The following STIM2 variants were observed in gnomAD, a reference collection of about 807,000 sequenced individuals.
STIM2 encodes stromal interaction molecule 2.
STIM2 carries 31 observed loss-of-function variants against 85.8 expected under a neutral mutation model. That is an observed-to-expected ratio of 0.36 (90% confidence interval 0.27 to 0.49). The LOEUF (loss-of-function observed/expected upper bound fraction) is 0.49, where lower values mean the gene tolerates loss of function less well. STIM2 is among the 20% of genes least tolerant of loss of function. The pLI, the probability that STIM2 is intolerant of heterozygous loss-of-function variation, is 0.98. For synonymous variants in STIM2, 356 were observed against 331.1 expected (o/e 1.08, Z -0.82); for missense variants, 841 against 927.6 (o/e 0.91, Z 1.21).
intron 3 of STIM2, among the ~76,000 whole-genome samples, chr4:26,973,209 T>G (rs927286018): frequency 6.6e-6 from 1 of 152,310 alleles, no homozygotes. Flanking sequence ...ATTGATTGAT[T>G]TTTTGAAGGG....
chr4:27,009,517 T>G (rs1432375094), intron 10 of STIM2, among the ~76,000 whole-genome samples: 1 of 152,224 alleles, frequency 6.6e-6, no homozygotes, highest in African/African-American at 2.4e-5. Context: ...AAACAGGGAT[T>G]TGAATCCTAG....
At chr4:26,957,041 C>T (rs976881145) in intron 2 of STIM2, among the ~76,000 whole-genome samples, 1 of 152,050 alleles carries the variant, frequency 6.6e-6, no homozygotes, top group African/African-American at 2.4e-5. Flanking sequence ...ACTCCCTCTT[C>T]CCCTGCGGAT....
intron 10 of STIM2, among the ~76,000 whole-genome samples, chr4:27,010,131 G>A (rs1728511128): frequency 6.6e-6 from 1 of 152,118 alleles, no homozygotes; most frequent in Non-Finnish European, 1.5e-5. Context: ...AAGTACAAGA[G>A]TTGATTTTAA....
chr4:26,914,149 A>G (rs960885119), intron 1 of STIM2, among the ~76,000 whole-genome samples: 2 of 152,194 alleles, frequency 1.3e-5, no homozygotes, highest in Admixed American at 1.3e-4. Flanking sequence ...TCACTTTAGG[A>G]TAATCTGTAG....
intron 2 of STIM2, among the ~76,000 whole-genome samples, chr4:26,937,971 C>G (rs937160724): frequency 1.3e-5 from 2 of 151,748 alleles, no homozygotes; most frequent in African/African-American, 4.8e-5. Context: ...TTCTTTTTTG[C>G]AGATAAGTGA....
chr4:26,992,937 C>T (rs564034290), intron 3 of STIM2, among the ~76,000 whole-genome samples: 2 of 152,202 alleles, frequency 1.3e-5, no homozygotes, highest in Admixed American at 1.3e-4. Flanking sequence ...CAGAGTATTA[C>T]TAAGATTTGG....
chr4:26,898,376 G>T (rs1723786564), intron 1 of STIM2, among the ~76,000 whole-genome samples: 1 of 152,050 alleles, frequency 6.6e-6, no homozygotes. Context: ...ATCATGTTTG[G>T]TTTTCCCACT....
chr4:26,977,115 G>C (rs1727231089), intron 3 of STIM2, among the ~76,000 whole-genome samples: 1 of 152,184 alleles, frequency 6.6e-6, no homozygotes, highest in Non-Finnish European at 1.5e-5. Flanking sequence ...TTATAGATCA[G>C]AGTGGCGCTA....
At chr4:26,874,315 A>G in intron 1 of STIM2, 1 of 364,888 alleles carries the variant, frequency 2.7e-6, no homozygotes, top group Non-Finnish European at 5.5e-6. Flanking sequence ...TCTCCGGCGC[A>G]CAGAGGCCCC....
rs1212042646 is a variant in STIM2 at position 27,003,075 on chromosome 4, C to T, written c.952C>T (p.Arg318Cys). Residue 318 changes from arginine (R) to cysteine (C), a missense_variant, in exon 7 of 12, where the codon CGT (arginine) becomes TGT (cysteine). Coordinates refer to ENST00000467087, the MANE Select transcript of STIM2 (RefSeq NM_020860.4). ...GGGAGCTGAATGTGAATTGAGTAGA[C>T]GTCAGTATGCAGAACAGGAATTGGA... 3.8e-6 allele frequency: 6 copies of T among 1,588,016 alleles called. No individual in the cohort carries two copies. The highest frequency in any genetic ancestry group is 1.8e-5 in the Admixed American group (1 of 54,736).
chr4:26,902,851 G>C (rs1358357211), intron 1 of STIM2, among the ~76,000 whole-genome samples: 1 of 152,096 alleles, frequency 6.6e-6, no homozygotes, highest in Non-Finnish European at 1.5e-5. Flanking sequence ...TGGATTGTCC[G>C]TAAGAACACT....
At chr4:26,897,629 A>T (rs2109049572) in intron 1 of STIM2, among the ~76,000 whole-genome samples, 1 of 152,346 alleles carries the variant, frequency 6.6e-6, no homozygotes, top group African/African-American at 2.4e-5. Context: ...ACTTGTAAAT[A>T]CCTCACTATG....
At chr4:27,004,522 G>A (rs984196058) in intron 7 of STIM2, among the ~76,000 whole-genome samples, 4 of 152,046 alleles carry the variant, frequency 2.6e-5, no homozygotes, top group Admixed American at 1.3e-4. Flanking sequence ...AAAAAAGAGC[G>A]AATCAGAAAA....
intron 1 of STIM2, among the ~76,000 whole-genome samples, chr4:26,896,369 C>T (rs1723702347): frequency 6.6e-6 from 1 of 152,170 alleles, no homozygotes. Context: ...GTATCATAAT[C>T]ACAGTAGTGA....
At position 26,919,542 on chromosome 4, in the gene STIM2, G is replaced by C; in HGVS notation, c.190G>C (p.Glu64Gln). 1 of 1,613,620 alleles carries C rather than the reference G, an allele frequency of 6.2e-7. No homozygotes were observed. Among genetic ancestry groups the C allele is most frequent in the South Asian group, 1.1e-5 (1 of 91,072 alleles). Residue 64 changes from glutamate (E) to glutamine (Q), a missense_variant, in exon 2 of 12, where the codon GAA becomes CAA. Coordinates refer to ENST00000467087, the MANE Select transcript of STIM2 (RefSeq NM_020860.4). The stretch of plus-strand genomic sequence containing the variant: ...ACTGAGTCCACCATGCTTTACAGAA[G>C]AAGACAGATTTAGTCTGGAAGCTCT...
At chr4:26,928,128 A>C (rs920882500) in intron 2 of STIM2, among the ~76,000 whole-genome samples, 2 of 151,926 alleles carry the variant, frequency 1.3e-5, no homozygotes, top group African/African-American at 4.8e-5. Flanking sequence ...AAGAGGCAAA[A>C]GGTGTGTAAC....
At position 26,861,233 on chromosome 4, in the gene STIM2, G is replaced by T; in HGVS notation, c.15G>T (p.Gly5=). The change falls in exon 1 of 12, where the codon GGG becomes GGT. Residue 5 remains glycine (G), a synonymous_variant. Coordinates refer to ENST00000467087, the MANE Select transcript of STIM2 (RefSeq NM_020860.4). ...GCTGGGCTGCGTTGCTGGTGCTCGG[G>T]CTGCTGGTAGCCGGAGCGGCGGACG... The T allele has an allele frequency of 6.7e-7, 1 of 1,494,164 alleles. No individual in the cohort carries two copies. The highest frequency in any genetic ancestry group is 8.9e-7 in the Non-Finnish European group (1 of 1,129,172). The allele number at this position is 1,494,164 out of a possible 1,614,324, so 92.6% of individuals were successfully genotyped here.
At chr4:26,888,868 G>A (rs1723358235) in intron 1 of STIM2, among the ~76,000 whole-genome samples, 1 of 152,146 alleles carries the variant, frequency 6.6e-6, no homozygotes, top group Non-Finnish European at 1.5e-5. Flanking sequence ...CCATTGTATG[G>A]TAGCAGTTGA....
intron 3 of STIM2, among the ~76,000 whole-genome samples, chr4:26,968,418 T>C (rs1299723036): frequency 3.3e-5 from 5 of 152,142 alleles, no homozygotes; most frequent in Admixed American, 2.0e-4. Flanking sequence ...AAAAAGCCAG[T>C]CACGTAAAAA....
Sources: allele counts gnomAD v4.1 joint callset (sites outside exome capture counted in the v4.1 genomes callset), GRCh38; gene constraint gnomAD v4.1.1; transcripts MANE v1.5; gene names NCBI Gene and HGNC (gene_info 2026-07-23, HGNC 2026-07-21).